The following EPHB1 variants were observed in gnomAD, a reference collection of about 807,000 sequenced individuals.
EPHB1 encodes the protein EPH receptor B1, also known as ephrin type-B receptor 1.
A neutral mutation model predicts 94.4 loss-of-function variants in EPHB1; 30 were observed. The observed-to-expected ratio is 0.32, with a 90% CI of 0.24 to 0.43. EPHB1 has a LOEUF of 0.43. EPHB1 is among the 20% of genes least tolerant of loss of function. The probability of loss-of-function intolerance (pLI) is 1.00; values close to 1 mark genes in which losing one functional copy is unlikely to be tolerated. For synonymous variants in EPHB1, 522 were observed against 489.1 expected (o/e 1.07, Z -0.89); for missense variants, 1,055 against 1,308.3 (o/e 0.81, Z 2.99).
At chr3:135,111,588 C>T (rs903857457) in intron 4 of EPHB1, among the ~76,000 whole-genome samples, 7 of 152,106 alleles carry the variant, frequency 4.6e-5, no homozygotes, top group South Asian at 2.1e-4. Flanking sequence ...TGTGAATGTA[C>T]GAGCGCATCT....
intron 7 of EPHB1, among the ~76,000 whole-genome samples, 180 bp from the exon 8 acceptor site, chr3:135,165,788 T>C (rs1941636957): frequency 6.6e-6 from 1 of 152,230 alleles, no homozygotes; most frequent in Non-Finnish European, 1.5e-5. Flanking sequence ...TTTTTGGTTG[T>C]TTTTGTTTAT....
chr3:134,954,976 G>A (rs1437978057), intron 3 of EPHB1, among the ~76,000 whole-genome samples: 1 of 151,234 alleles, frequency 6.6e-6, no homozygotes, highest in Admixed American at 6.6e-5. Flanking sequence ...AGTAGAGGAA[G>A]CTATGGGGAG....
At chr3:134,897,026 T>A (rs1407592281) in intron 1 of EPHB1, among the ~76,000 whole-genome samples, 1 of 152,232 alleles carries the variant, frequency 6.6e-6, no homozygotes, top group African/African-American at 2.4e-5. Flanking sequence ...TGCAATGAGA[T>A]GACTGATACT....
At chr3:134,903,313 T>G (rs886619272) in intron 1 of EPHB1, among the ~76,000 whole-genome samples, 1 of 152,154 alleles carries the variant, frequency 6.6e-6, no homozygotes, top group Admixed American at 6.5e-5. Context: ...AGGCATCCCC[T>G]GAAGCTTTAG....
intron 1 of EPHB1, among the ~76,000 whole-genome samples, chr3:134,910,930 A>G (rs995276626): frequency 1.3e-5 from 2 of 152,216 alleles, no homozygotes; most frequent in African/African-American, 4.8e-5. Context: ...TGGGACAGAA[A>G]AGCTATTGTA....
At chr3:135,096,383 G>A (rs1054137338) in intron 3 of EPHB1, among the ~76,000 whole-genome samples, 2 of 152,290 alleles carry the variant, frequency 1.3e-5, no homozygotes, top group South Asian at 4.2e-4. Flanking sequence ...CCTCAGACTA[G>A]AGCTATACCA....
At chr3:135,237,324 A>G (rs542539882) in intron 12 of EPHB1, among the ~76,000 whole-genome samples, 96 of 152,026 alleles carry the variant, frequency 6.3e-4, no homozygotes, top group African/African-American at 2.1e-3. Context: ...ACAGACACAA[A>G]ATCTTAAATT....
chr3:135,008,088 G>A (rs901582282), intron 3 of EPHB1, among the ~76,000 whole-genome samples: 20 of 152,244 alleles, frequency 1.3e-4, no homozygotes, highest in South Asian at 2.1e-4. Context: ...TACTATTGGC[G>A]CCTGAGCTCT....
intron 13 of EPHB1, among the ~76,000 whole-genome samples, chr3:135,241,728 G>T (rs540694091): frequency 6.6e-6 from 1 of 152,196 alleles, no homozygotes; most frequent in South Asian, 2.1e-4. Context: ...TGCCTCTGAC[G>T]GCTATGCTCC....
chr3:135,071,148 A>G (rs1937694294), intron 3 of EPHB1, among the ~76,000 whole-genome samples: 1 of 152,210 alleles, frequency 6.6e-6, no homozygotes, highest in Non-Finnish European at 1.5e-5. Context: ...GCTATGGCAC[A>G]AGGCTTTTAA....
At chr3:135,010,959 T>C (rs1935600455) in intron 3 of EPHB1, among the ~76,000 whole-genome samples, 1 of 152,190 alleles carries the variant, frequency 6.6e-6, no homozygotes, top group East Asian at 1.9e-4. Context: ...ACATTTTTGG[T>C]TTATGTTACT....
intron 1 of EPHB1, among the ~76,000 whole-genome samples, chr3:134,842,999 T>G (rs1396828820): frequency 6.6e-6 from 1 of 152,270 alleles, no homozygotes; most frequent in Non-Finnish European, 1.5e-5. Flanking sequence ...TTTTTTTTCC[T>G]GTGTTTTCAA....
At chr3:135,204,667 ATT>A (rs1052420777) in intron 12 of EPHB1, among the ~76,000 whole-genome samples, 4 of 141,770 alleles carry the variant, frequency 2.8e-5, no homozygotes, top group Admixed American at 7.1e-5. Flanking sequence ...TGCCCTGCTA[ATT>A]TTTTTTTTTT....
At chr3:134,994,097 G>A (rs1934909179) in intron 3 of EPHB1, among the ~76,000 whole-genome samples, 2 of 152,160 alleles carry the variant, frequency 1.3e-5, no homozygotes, top group African/African-American at 4.8e-5. Flanking sequence ...GTCACACAGT[G>A]TATTTGCATC....
chr3:135,233,577 G>C (rs942553184), intron 12 of EPHB1, among the ~76,000 whole-genome samples: 18 of 152,206 alleles, frequency 1.2e-4, no homozygotes, highest in African/African-American at 4.1e-4. Context: ...TCTAGGGTCT[G>C]GAGGATGATG....
At chr3:134,801,819 C>G (rs1416406589) in intron 1 of EPHB1, among the ~76,000 whole-genome samples, 1 of 152,186 alleles carries the variant, frequency 6.6e-6, no homozygotes, top group Non-Finnish European at 1.5e-5. Context: ...TCAGGACCAT[C>G]TGCTCCATCA....
chr3:135,162,033 A>G lies in EPHB1; in HGVS notation c.1438A>G (p.Asn480Asp). Residue 480 changes from asparagine (N) to aspartate (D), a missense_variant, in exon 7 of 16, where the codon AAC becomes GAC. Coordinates refer to ENST00000398015, the MANE Select transcript of EPHB1 (RefSeq NM_004441.5). ...RYYEKEHNEFNSSMARSQTNT... is the reference protein window; with the variant it reads ...RYYEKEHNEFDSSMARSQTNT... ...TTTCTTTTAGGAACACAATGAGTTCAACTCCTCCATGGCCAGGAGTCAGAC... is the reference window on the plus strand; with the variant it reads ...TTTCTTTTAGGAACACAATGAGTTCGACTCCTCCATGGCCAGGAGTCAGAC... 6.2e-7 allele frequency: 1 copy of G among 1,611,246 alleles called. No homozygotes were observed. Among genetic ancestry groups the G allele is most frequent in the Non-Finnish European group, 8.5e-7 (1 of 1,178,648 alleles).
chr3:135,098,137 TGCTCAGCTCA>T (rs1009811130), intron 3 of EPHB1, among the ~76,000 whole-genome samples: 1 of 152,250 alleles, frequency 6.6e-6, no homozygotes, highest in African/African-American at 2.4e-5. Context: ...TGACCTGCTA[TGCTCAGCTCA>T]GCTCCTTGGA....
intron 9 of EPHB1, among the ~76,000 whole-genome samples, chr3:135,174,110 C>A (rs958144072): frequency 2.6e-5 from 4 of 152,204 alleles, no homozygotes; most frequent in African/African-American, 9.7e-5. Flanking sequence ...CCTCCAGCCC[C>A]TTCCCCACAG....
Sources: allele counts gnomAD v4.1 joint callset (sites outside exome capture counted in the v4.1 genomes callset), GRCh38; gene constraint gnomAD v4.1.1; transcripts MANE v1.5; gene names NCBI Gene and HGNC (gene_info 2026-07-23, HGNC 2026-07-21).